CLCN6: variants seen among roughly 807,000 people sequenced by gnomAD.
The protein encoded by CLCN6 is Cl-/H+ antiporter 6.
CLCN6 carries 70 observed loss-of-function variants against 109.8 expected under a neutral mutation model. The ratio of observed to expected loss-of-function variants is 0.64; its 90% confidence interval spans 0.53 to 0.78. CLCN6 has a LOEUF of 0.78. Among genes scored for constraint, CLCN6 ranks in the 30% least tolerant of loss-of-function variants. The pLI, the probability that CLCN6 is intolerant of heterozygous loss-of-function variation, is 0.00. For missense variants in CLCN6, 984 were observed against 1,142.3 expected (o/e 0.86, Z 2.00); for synonymous variants, 444 against 447.8 (o/e 0.99, Z 0.11).
rs115875677 is a variant in CLCN6 at position 11,828,647 on chromosome 1, C to G, written c.1121+23C>G. On this transcript the variant is annotated intron_variant, in intron 12 of 22. Coordinates refer to ENST00000346436, the MANE Select transcript of CLCN6 (RefSeq NM_001286.5). The stretch of plus-strand genomic sequence containing the variant: ...CAGGTATCTGCACAGTCGCCTCCCC[C>G]CCGAGCCTGCTGCGGCTCCCTGAGC... 538 of 1,574,052 alleles carry G rather than the reference C, an allele frequency of 3.4e-4. 3 individuals carry two copies. The highest frequency in any genetic ancestry group is 1.9e-3 in the African/African-American group (137 of 73,914).
At chr1:11,824,409 GT>G in intron 7 of CLCN6, 76 bp from the exon 8 acceptor site, 1 of 1,206,804 alleles carries the variant, frequency 8.3e-7, no homozygotes, top group Non-Finnish European at 1.2e-6. Flanking sequence ...CACGAGGAAG[GT>G]TTTTGTAGCC....
chr1:11,807,941 A>ATT (rs1644542736), intron 2 of CLCN6, among the ~76,000 whole-genome samples: 1 of 151,992 alleles, frequency 6.6e-6, no homozygotes, highest in African/African-American at 2.4e-5. Flanking sequence ...TCATTAGGTA[A>ATT]TTTTCCACAA....
rs377181563 is a variant in CLCN6 at position 11,834,071 on chromosome 1, T to C, written c.1526+41T>C. The C allele has an allele frequency of 1.2e-6, 2 of 1,605,866 alleles. No individual in the cohort carries two copies. The highest frequency in any genetic ancestry group is 1.7e-6 in the Non-Finnish European group (2 of 1,175,716). ...GCGTGTGTGTGCGCATGTGCATGTG[T>C]GTGCACGTGTGCGTGTGTATGCATG... is the stretch of plus-strand genomic sequence containing the variant. On this transcript the variant is annotated intron_variant, in intron 15 of 22. Coordinates refer to ENST00000346436, the MANE Select transcript of CLCN6 (RefSeq NM_001286.5). This position sits in a 1 kb window ranked among gnomAD's most constrained non-coding sequence, Gnocchi z 4.5.
At position 11,840,538 on chromosome 1, in the gene CLCN6, C is replaced by T. The variant is rs1645006580; in HGVS notation, c.*315C>T. 4.3e-6 allele frequency: 2 copies of T among 465,224 alleles called. No homozygotes were observed. The highest frequency in any genetic ancestry group is 4.0e-6 in the Non-Finnish European group (1 of 251,372). The allele number at this position is 465,224 out of a possible 1,614,324, so 28.8% of individuals were successfully genotyped here. A position where few individuals can be genotyped will look rare whatever the true frequency, so the allele number is the denominator to read the frequency against. On this transcript the variant is annotated 3_prime_UTR_variant, in exon 23 of 23. Transcript: ENST00000346436. ...GAAGCAGAGGTAGAATCAGGCGGGC[C>T]CCGGGCTGCACTCCGAGCAGTGTTC...
chr1:11,823,145 CATGCA>C (rs1644767262), intron 6 of CLCN6, among the ~76,000 whole-genome samples: 1 of 152,192 alleles, frequency 6.6e-6, no homozygotes, highest in African/African-American at 2.4e-5. Context: ...CATACCTGTA[CATGCA>C]ATCCCTGAAC....
At chr1:11,825,420 T>C (rs1644799160) in intron 8 of CLCN6, among the ~76,000 whole-genome samples, 1 of 152,230 alleles carries the variant, frequency 6.6e-6, no homozygotes, top group East Asian at 1.9e-4. Flanking sequence ...TGGGCCCTTC[T>C]CTTCCTGGCG....
At position 11,833,999 on chromosome 1, in the gene CLCN6, T is replaced by C. The variant is rs148630210; in HGVS notation, c.1495T>C (p.Phe499Leu). 1.4e-3 allele frequency: 2,211 copies of C among 1,614,154 alleles called. 3 individuals are homozygous for C. The highest frequency in any genetic ancestry group is 1.7e-3 in the Non-Finnish European group (2,055 of 1,180,016). The change falls in exon 15 of 23, where the codon TTT becomes CTT. Residue 499 changes from phenylalanine (F) to leucine (L), a missense_variant. By Grantham distance (22) the Phe-to-Leu change is conservative (BLOSUM62 0). Coordinates refer to ENST00000346436, the MANE Select transcript of CLCN6 (RefSeq NM_001286.5). ...FVPSLLCGAA[F>L]GRLVANVLKS... ...GCCTTCTCTGCTGTGTGGAGCTGCT[T>C]TTGGACGTTTAGTTGCCAATGTCCT...
rs746358122 is a variant in CLCN6 at position 11,815,900 on chromosome 1, A to G, written c.202A>G (p.Met68Val). Residue 68 changes from methionine (M) to valine (V), a missense_variant, in exon 3 of 23, where the codon ATG becomes GTG. Transcript: ENST00000346436. ...NDPYLEVLET[M>V]DNKKGRRYEA... Reference sequence around the variant, plus strand: ...CCCTTACCTGGAAGTTTTGGAGACCATGGATAATAAGGTGGGTCTTACAAT... The same window carrying G: ...CCCTTACCTGGAAGTTTTGGAGACCGTGGATAATAAGGTGGGTCTTACAAT... 6.8e-6 allele frequency: 11 copies of G among 1,611,964 alleles called. No homozygotes were observed. Among genetic ancestry groups the G allele is most frequent in the South Asian group, 6.6e-5 (6 of 91,050 alleles).
At position 11,833,557 on chromosome 1, in the gene CLCN6, C is replaced by A; in HGVS notation, c.1291C>A (p.Pro431Thr). The A allele has an allele frequency of 6.2e-7, 1 of 1,613,298 alleles. No homozygotes were observed. Among genetic ancestry groups the A allele is most frequent in the Non-Finnish European group, 8.5e-7 (1 of 1,179,630 alleles). The change falls in exon 14 of 23, where the codon CCC (proline) becomes ACC (threonine). Residue 431 changes from proline (P) to threonine (T), a missense_variant. Physicochemically the swap from Pro to Thr is conservative, Grantham distance 38 (BLOSUM62 -1). Coordinates refer to ENST00000346436, the MANE Select transcript of CLCN6 (RefSeq NM_001286.5). ...TTCAAGTATCAAGACATTTTTTTGT[C>A]CCAATGATACCTACAATGACATGGC... ...VNSSIKTFFC[P>T]NDTYNDMATL...
Position 11,834,276 on chromosome 1 carries a change from C to A in CLCN6, c.1567C>A (p.Leu523Met). Residue 523 changes from leucine (L) to methionine (M), a missense_variant, in exon 16 of 23, where the codon CTG becomes ATG. Coordinates refer to ENST00000346436, the MANE Select transcript of CLCN6 (RefSeq NM_001286.5). The surrounding 1 kb of genome is among the most constrained non-coding windows in gnomAD (Gnocchi z 4.5). ...CCACATCTATTCGGGGACCTTTGCC[C>A]TGATTGGTGCAGCGGCTTTCTTGGG... The part of the protein sequence containing the change: ...LGHIYSGTFA[L>M]IGAAAFLGGV... 6.2e-7 allele frequency: 1 copy of A among 1,614,084 alleles called. No individual in the cohort carries two copies. Among genetic ancestry groups the A allele is most frequent in the East Asian group, 2.2e-5 (1 of 44,870 alleles).
chr1:11,811,392 T>C (rs114094468), intron 2 of CLCN6, among the ~76,000 whole-genome samples: 234 of 152,154 alleles, frequency 1.5e-3, no homozygotes, highest in African/African-American at 5.4e-3. Context: ...CAATTTTTTT[T>C]TTTTTTTGAG....
At position 11,834,129 on chromosome 1, in the gene CLCN6, C is replaced by G. The variant is rs147260098; in HGVS notation, c.1526+99C>G. 6.3e-7 allele frequency: 1 copy of G among 1,590,166 alleles called. No individual in the cohort carries two copies. The highest frequency in any genetic ancestry group is 8.6e-7 in the Non-Finnish European group (1 of 1,167,694). Reference sequence around the variant, plus strand: ...GTGTGCGTGCGTTGATGTGTCTGTGCCCATGCATGCACATATGTGCATAGG... The same window carrying G: ...GTGTGCGTGCGTTGATGTGTCTGTGGCCATGCATGCACATATGTGCATAGG... On this transcript the variant is annotated intron_variant, in intron 15 of 22. Transcript: ENST00000346436. This position sits in a 1 kb window ranked among gnomAD's most constrained non-coding sequence, Gnocchi z 4.5.
chr1:11,833,664 C>T lies in CLCN6; in HGVS notation c.1372+26C>T, dbSNP rs201337536. 78 of 1,612,112 alleles carry T rather than the reference C, an allele frequency of 4.8e-5. No individual in the cohort carries two copies. The South Asian group carries it at 5.5e-4, about 11-fold the overall frequency. On this transcript the variant is annotated intron_variant, in intron 14 of 22. Transcript: ENST00000346436. Reference sequence around the variant, plus strand: ...GTGAGTGTCTGCACTGCAGCCCAATCGTGGGTGATTGGTGTCATCTCGGAC... The same window carrying T: ...GTGAGTGTCTGCACTGCAGCCCAATTGTGGGTGATTGGTGTCATCTCGGAC...
chr1:11,808,543 T>C (rs1029363302), intron 2 of CLCN6, among the ~76,000 whole-genome samples: 2 of 152,262 alleles, frequency 1.3e-5, no homozygotes, highest in Non-Finnish European at 2.9e-5. Flanking sequence ...TGATATCAAA[T>C]ATCTACTGTC....
intron 4 of CLCN6, among the ~76,000 whole-genome samples, 165 bp downstream of exon 4, chr1:11,816,845 CTTT>C (rs55875233): frequency 6.8e-6 from 1 of 146,604 alleles, no homozygotes; most frequent in Non-Finnish European, 1.5e-5. Flanking sequence ...TCTTTTTTCC[CTTT>C]TTTTTTTTTA....
chr1:11,829,255 T>C lies in CLCN6; in HGVS notation c.1181T>C (p.Met394Thr), dbSNP rs200339900. 1 of 1,614,196 alleles carries C rather than the reference T, an allele frequency of 6.2e-7. No homozygotes were observed. Among genetic ancestry groups the C allele is most frequent in the East Asian group, 2.2e-5 (1 of 44,884 alleles). Reference sequence around the variant, plus strand: ...ACCGTGGTGGTGTTTGTGGCCTCGATGGTGTTAGGAGAATGCCGACAGATG... The same window carrying C: ...ACCGTGGTGGTGTTTGTGGCCTCGACGGTGTTAGGAGAATGCCGACAGATG... ...VTTVVVFVAS[M>T]VLGECRQMSS... is the part of the protein sequence containing the mutation. Residue 394 changes from methionine (M) to threonine (T), a missense_variant, in exon 13 of 23, where the codon ATG becomes ACG. Coordinates refer to ENST00000346436, the MANE Select transcript of CLCN6 (RefSeq NM_001286.5).
chr1:11,829,163 G>T (rs767972300), intron 12 of CLCN6, 33 bp from the exon 13 acceptor site: 28 of 1,603,802 alleles, frequency 1.7e-5, no homozygotes, highest in Non-Finnish European at 2.3e-5. Flanking sequence ...GCTTCTTTCT[G>T]TGGCGTTGTA....
chr1:11,840,081 C>G, intron 22 of CLCN6, 62 bp from the exon 23 acceptor site: 3 of 1,362,630 alleles, frequency 2.2e-6, no homozygotes, highest in Non-Finnish European at 2.1e-6. Flanking sequence ...CGGCTCCTGT[C>G]ACTCCTGTTC....
chr1:11,827,885 C>T (rs1644833225), intron 10 of CLCN6, among the ~76,000 whole-genome samples: 1 of 152,180 alleles, frequency 6.6e-6, no homozygotes, highest in Admixed American at 6.5e-5. Flanking sequence ...TGTAAATAGG[C>T]TCTCATAGTA....
Sources: gnomAD v4.1 joint callset for allele counts (sites outside exome capture counted in the v4.1 genomes callset) on GRCh38, gnomAD v4.1.1 for gene constraint, Gnocchi (gnomAD v3.1) non-coding constraint, MANE v1.5 for transcripts, NCBI Gene and HGNC (gene_info 2026-07-23, HGNC 2026-07-21) for gene names.